Variants in SGCZ observed in about 807,000 individuals in gnomAD.
The protein encoded by SGCZ is zeta-sarcoglycan.
SGCZ carries 40 observed loss-of-function variants against 41.3 expected under a neutral mutation model. The ratio of observed to expected loss-of-function variants is 0.97; its 90% confidence interval spans 0.75 to 1.26. The LOEUF (loss-of-function observed/expected upper bound fraction) is 1.26, where lower values mean the gene tolerates loss of function less well. Ranked by LOEUF, SGCZ falls within the 50% of genes most tolerant of loss-of-function variation. The pLI is 0.00. For synonymous variants in SGCZ, 206 were observed against 137.5 expected (o/e 1.50, Z -3.49); for missense variants, 552 against 369.8 (o/e 1.49, Z -4.04).
At chr8:14,263,695 C>G (rs1033275381) in intron 3 of SGCZ, among the ~76,000 whole-genome samples, 1 of 152,106 alleles carries the variant, frequency 6.6e-6, no homozygotes, top group Non-Finnish European at 1.5e-5. Context: ...ATTCAAGTGC[C>G]AAGGTACCCT....
At chr8:14,924,709 C>A (rs1045898019) in intron 1 of SGCZ, among the ~76,000 whole-genome samples, 1 of 151,574 alleles carries the variant, frequency 6.6e-6, no homozygotes, top group African/African-American at 2.4e-5. Context: ...GATAAATTCC[C>A]CAAATATTTT....
chr8:15,056,735 G>A (rs987368562), intron 1 of SGCZ, among the ~76,000 whole-genome samples: 5 of 152,164 alleles, frequency 3.3e-5, no homozygotes, highest in South Asian at 2.1e-4. Context: ...GAGCTAAGAC[G>A]TCAATATTCA....
At chr8:14,851,279 G>C (rs963657092) in intron 1 of SGCZ, among the ~76,000 whole-genome samples, 2 of 135,120 alleles carry the variant, frequency 1.5e-5, no homozygotes, top group Non-Finnish European at 3.0e-5. Context: ...TGAGGTAGGA[G>C]AATGGCATGA....
chr8:14,562,108 A>G (rs1211123107), intron 1 of SGCZ, among the ~76,000 whole-genome samples: 1 of 152,144 alleles, frequency 6.6e-6, no homozygotes, highest in Non-Finnish European at 1.5e-5. Context: ...TAACTAGGGT[A>G]GCAGAGACCA....
At chr8:14,775,934 AG>A in intron 1 of SGCZ, among the ~76,000 whole-genome samples, 1 of 152,172 alleles carries the variant, frequency 6.6e-6, no homozygotes, top group Non-Finnish European at 1.5e-5. Flanking sequence ...TGGAAGGAAA[AG>A]GAAAGTGGAC....
chr8:14,372,418 C>G (rs1563286632), intron 2 of SGCZ, among the ~76,000 whole-genome samples: 1 of 152,058 alleles, frequency 6.6e-6, no homozygotes, highest in Non-Finnish European at 1.5e-5. Flanking sequence ...TCTATGTTCT[C>G]AAGACAGAGA....
At chr8:14,360,773 G>A (rs1022237886) in intron 2 of SGCZ, among the ~76,000 whole-genome samples, 2 of 152,132 alleles carry the variant, frequency 1.3e-5, no homozygotes, top group Admixed American at 1.3e-4. Context: ...TTCACGTTCA[G>A]GTTTCCTGTG....
chr8:15,234,665 G>A (rs1368172073), intron 1 of SGCZ, among the ~76,000 whole-genome samples: 1 of 152,146 alleles, frequency 6.6e-6, no homozygotes, highest in Non-Finnish European at 1.5e-5. Context: ...TTAACAATTA[G>A]AGCTTATCTT....
chr8:14,097,016 C>G (rs531475988), intron 7 of SGCZ, among the ~76,000 whole-genome samples: 25 of 151,940 alleles, frequency 1.6e-4, no homozygotes, highest in African/African-American at 6.0e-4. Context: ...GTCTGGCTAG[C>G]GGTCTATTTT....
intron 1 of SGCZ, among the ~76,000 whole-genome samples, chr8:15,126,503 C>G (rs1442971692): frequency 1.3e-5 from 2 of 152,096 alleles, no homozygotes; most frequent in Non-Finnish European, 2.9e-5. Flanking sequence ...TCCCTCCCCT[C>G]AAATAGTTCT....
intron 1 of SGCZ, among the ~76,000 whole-genome samples, chr8:15,158,381 A>G (rs1799399462): frequency 6.6e-6 from 1 of 152,120 alleles, no homozygotes; most frequent in Non-Finnish European, 1.5e-5. Context: ...CATGGCTGAT[A>G]TTTTTGTGCA....
At chr8:14,627,951 A>G (rs973364924) in intron 1 of SGCZ, among the ~76,000 whole-genome samples, 9 of 152,110 alleles carry the variant, frequency 5.9e-5, no homozygotes, top group Non-Finnish European at 1.2e-4. Context: ...CTTCAGCTAC[A>G]TGTTTGGAGG....
intron 1 of SGCZ, among the ~76,000 whole-genome samples, chr8:14,982,081 C>A (rs778234790): frequency 6.6e-6 from 1 of 150,764 alleles, no homozygotes; most frequent in Non-Finnish European, 1.5e-5. Flanking sequence ...ACCCAGGAGG[C>A]GGAGTTTGCA....
chr8:14,939,578 A>T (rs1800200170), intron 1 of SGCZ, among the ~76,000 whole-genome samples: 1 of 152,162 alleles, frequency 6.6e-6, no homozygotes, highest in Non-Finnish European at 1.5e-5. Context: ...GCTTCATCAA[A>T]GAAATGATAT....
chr8:15,126,516 T>C (rs1563139676), intron 1 of SGCZ, among the ~76,000 whole-genome samples: 2 of 152,130 alleles, frequency 1.3e-5, no homozygotes, highest in Non-Finnish European at 2.9e-5. Flanking sequence ...ATAGTTCTTG[T>C]GTGTTGGAGT....
intron 2 of SGCZ, among the ~76,000 whole-genome samples, chr8:14,539,607 G>A (rs1407448621): frequency 1.3e-5 from 2 of 151,808 alleles, no homozygotes; most frequent in Admixed American, 1.3e-4. Flanking sequence ...GTAAACTTGT[G>A]TCATGGAGGT....
At chr8:14,469,793 G>T (rs1801162881) in intron 2 of SGCZ, among the ~76,000 whole-genome samples, 1 of 152,126 alleles carries the variant, frequency 6.6e-6, no homozygotes, top group Non-Finnish European at 1.5e-5. Context: ...TAAAAACCCA[G>T]AAAGAATGTC....
intron 1 of SGCZ, among the ~76,000 whole-genome samples, chr8:14,719,952 C>T (rs370213610): frequency 1.6e-4 from 24 of 152,024 alleles, no homozygotes; most frequent in South Asian, 4.2e-4. Context: ...TGAATGGTAA[C>T]GCCTAGGTTT....
At chr8:14,436,785 A>T (rs971172906) in intron 2 of SGCZ, among the ~76,000 whole-genome samples, 4 of 152,202 alleles carry the variant, frequency 2.6e-5, no homozygotes, top group Non-Finnish European at 5.9e-5. Context: ...GCTTTAGTAC[A>T]TTGGTGGTTT....
Sources: gnomAD v4.1 joint callset for allele counts (sites outside exome capture counted in the v4.1 genomes callset) on GRCh38, gnomAD v4.1.1 for gene constraint, MANE v1.5 for transcripts, NCBI Gene and HGNC (gene_info 2026-07-23, HGNC 2026-07-21) for gene names.